The following ALDH1A2 variants were observed in gnomAD, a reference collection of about 807,000 sequenced individuals.
ALDH1A2 encodes the protein aldehyde dehydrogenase 1 family member A2.
Under a neutral mutation model 60.3 loss-of-function variants are expected in ALDH1A2, and 27 were observed. The observed-to-expected ratio is 0.45, with a 90% confidence interval of 0.33 to 0.62. The LOEUF (loss-of-function observed/expected upper bound fraction) is 0.62, where lower values mean the gene tolerates loss of function less well. Among genes scored for constraint, ALDH1A2 ranks in the 20% least tolerant of loss-of-function variants. ALDH1A2 has a pLI of 0.02. For missense variants in ALDH1A2, 581 were observed against 643.8 expected (o/e 0.90, Z 1.06); for synonymous variants, 289 against 232.4 (o/e 1.24, Z -2.21).
chr15:57,959,042 T>C (rs1727607545), intron 12 of ALDH1A2, among the ~76,000 whole-genome samples: 1 of 152,182 alleles, frequency 6.6e-6, no homozygotes, highest in South Asian at 2.1e-4. Flanking sequence ...AGGAGAACAT[T>C]TCTGATGGGA....
intron 1 of ALDH1A2, among the ~76,000 whole-genome samples, chr15:58,050,864 A>G (rs1157397782): frequency 6.6e-6 from 1 of 152,200 alleles, no homozygotes; most frequent in Non-Finnish European, 1.5e-5. Flanking sequence ...AAATGTGAAT[A>G]TCATCTTTCA....
chr15:57,990,269 T>A (rs1198741343), intron 7 of ALDH1A2: 1 of 152,204 alleles, frequency 6.6e-6, no homozygotes, highest in Non-Finnish European at 1.5e-5. Context: ...TCTAGAACCA[T>A]ATCCAACTGA....
intron 7 of ALDH1A2, among the ~76,000 whole-genome samples, chr15:57,986,210 ATG>A (rs1354832142): frequency 6.6e-6 from 1 of 152,200 alleles, no homozygotes; most frequent in Non-Finnish European, 1.5e-5. Context: ...GTATGGGACT[ATG>A]AATCTAGAGA....
chr15:58,050,705 G>A (rs894412557), intron 1 of ALDH1A2, among the ~76,000 whole-genome samples: 1 of 152,104 alleles, frequency 6.6e-6, no homozygotes, highest in Non-Finnish European at 1.5e-5. Flanking sequence ...CAAATCAAGT[G>A]AATTTGATAC....
At chr15:58,043,918 T>A (rs1896577990) in intron 1 of ALDH1A2, among the ~76,000 whole-genome samples, 2 of 151,974 alleles carry the variant, frequency 1.3e-5, no homozygotes, top group Non-Finnish European at 2.9e-5. Flanking sequence ...GGGTCTTAGA[T>A]ATAATCTCTG....
chr15:58,013,585 C>G (rs986773437), intron 3 of ALDH1A2, among the ~76,000 whole-genome samples: 2 of 152,028 alleles, frequency 1.3e-5, no homozygotes, highest in Non-Finnish European at 2.9e-5. Flanking sequence ...AACCCCGTCT[C>G]TACTAAAAAT....
At chr15:58,054,908 C>G (rs1595694302) in intron 1 of ALDH1A2, among the ~76,000 whole-genome samples, 1 of 152,030 alleles carries the variant, frequency 6.6e-6, no homozygotes, top group Non-Finnish European at 1.5e-5. Flanking sequence ...TGTATCAATT[C>G]TCTCCTTTTT....
intron 7 of ALDH1A2, among the ~76,000 whole-genome samples, chr15:57,972,454 G>A (rs1336534131): frequency 6.6e-6 from 1 of 152,166 alleles, no homozygotes; most frequent in Non-Finnish European, 1.5e-5. Context: ...TGCTTTGATA[G>A]GAAAAAGCAT....
intron 1 of ALDH1A2, among the ~76,000 whole-genome samples, chr15:58,021,232 G>A (rs1174150175): frequency 5.9e-5 from 9 of 152,200 alleles, no homozygotes; most frequent in East Asian, 3.9e-4. Flanking sequence ...GAGTTGGGGA[G>A]GGTTCACTAG....
At chr15:57,961,326 G>C in intron 10 of ALDH1A2, 32 bp from the exon 11 acceptor site, 3 of 1,610,250 alleles carry the variant, frequency 1.9e-6, no homozygotes, top group Non-Finnish European at 2.5e-6. Flanking sequence ...CAACATGGTT[G>C]CTCTGTCATT....
intron 7 of ALDH1A2, among the ~76,000 whole-genome samples, chr15:57,971,916 G>C (rs1039763920): frequency 7.2e-5 from 11 of 151,846 alleles, no homozygotes; most frequent in Non-Finnish European, 1.3e-4. Flanking sequence ...TTTTTGCAAA[G>C]ACTGGGGCTT....
At chr15:58,025,413 G>T (rs1178558502) in intron 1 of ALDH1A2, among the ~76,000 whole-genome samples, 1 of 152,084 alleles carries the variant, frequency 6.6e-6, no homozygotes, top group African/African-American at 2.4e-5. Context: ...AAAACCTAGG[G>T]GAGATGGATA....
At position 57,958,720 on chromosome 15, in the gene ALDH1A2, G is replaced by C. The variant is rs1893624703; in HGVS notation, c.1484+2050C>G. 2.0e-5 allele frequency among the ~76,000 whole-genome samples: 3 copies of C among 152,208 alleles called. No homozygotes were observed. The South Asian group carries it at 6.2e-4, about 32-fold the overall frequency. On this transcript the variant is annotated intron_variant, in intron 12 of 12. Transcript: ENST00000249750. ...TGAGGCTGTATCAAATGAGGTGGAA[G>C]AGTTGGGGACCAAGACAGAGCAGCT...
intron 7 of ALDH1A2, among the ~76,000 whole-genome samples, chr15:57,979,220 G>A (rs1335548558): frequency 6.6e-6 from 1 of 152,014 alleles, no homozygotes; most frequent in Non-Finnish European, 1.5e-5. Context: ...TCATAGACAG[G>A]CCCCCTTTCC....
At chr15:58,040,673 T>A (rs1490804136) in intron 1 of ALDH1A2, among the ~76,000 whole-genome samples, 1 of 151,892 alleles carries the variant, frequency 6.6e-6, no homozygotes, top group Non-Finnish European at 1.5e-5. Context: ...TAACTTTAAA[T>A]TAAAGATCTA....
chr15:57,972,878 C>G (rs1894117432), intron 7 of ALDH1A2, among the ~76,000 whole-genome samples: 1 of 152,094 alleles, frequency 6.6e-6, no homozygotes, highest in East Asian at 1.9e-4. Flanking sequence ...TAGCAAGCCA[C>G]CTCCCCTAAC....
At chr15:58,022,817 T>C (rs1433555637) in intron 1 of ALDH1A2, among the ~76,000 whole-genome samples, 1 of 151,830 alleles carries the variant, frequency 6.6e-6, no homozygotes, top group Non-Finnish European at 1.5e-5. Flanking sequence ...AAAGCCAAAA[T>C]GCCCCATCCA....
At chr15:57,995,295 G>C (rs1895019975) in intron 4 of ALDH1A2, among the ~76,000 whole-genome samples, 156 bp from the exon 5 acceptor site, 1 of 147,274 alleles carries the variant, frequency 6.8e-6, no homozygotes, top group Non-Finnish European at 1.5e-5. Flanking sequence ...GCTGGTAGAA[G>C]CCTAACACTG....
chr15:57,966,340 C>T (rs1351872087), intron 7 of ALDH1A2, among the ~76,000 whole-genome samples: 2 of 152,172 alleles, frequency 1.3e-5, no homozygotes, highest in African/African-American at 2.4e-5. Context: ...TAAAAGGATA[C>T]CAGACAGTTG....
Sources: gnomAD v4.1 joint callset for allele counts (sites outside exome capture counted in the v4.1 genomes callset) on GRCh38, gnomAD v4.1.1 for gene constraint, MANE v1.5 for transcripts, NCBI Gene and HGNC (gene_info 2026-07-23, HGNC 2026-07-21) for gene names.